The following CATSPER1 variants were observed in gnomAD, a reference collection of about 807,000 sequenced individuals.
The protein encoded by CATSPER1 is cation channel sperm-associated protein 1.
Under a neutral mutation model 72.7 loss-of-function variants are expected in CATSPER1, and 57 were observed. The ratio of observed to expected loss-of-function variants is 0.78; its 90% CI spans 0.63 to 0.98. The LOEUF is 0.98. Among genes scored for constraint, CATSPER1 ranks in the 50% least tolerant of loss-of-function variants. The pLI, the probability that CATSPER1 is intolerant of heterozygous loss-of-function variation, is 0.00. For synonymous variants in CATSPER1, 363 were observed against 403.0 expected, an observed-to-expected ratio of 0.90 and a Z score of 1.19; for missense variants, 910 against 1,033.9, an observed-to-expected ratio of 0.88 and a Z score of 1.64.
chr11:66,021,700 C>A, intron 3 of CATSPER1, 57 bp from the exon 4 acceptor site: 1 of 1,612,120 alleles, frequency 6.2e-7, no homozygotes, highest in African/African-American at 1.3e-5. Flanking sequence ...CCCCCTTCCC[C>A]ATCCTTCTCT....
rs942771770 is a variant in CATSPER1 at position 66,023,705 on chromosome 11, G to C, written c.1217-644C>G. On this transcript the variant is annotated intron_variant, in intron 1 of 11. Transcript: ENST00000312106. ...CCTGTGCCTTCTGTGGCAGGGGCCA[G>C]CCTGTTGGGGATTTGGAGTTGGCTT... is the stretch of plus-strand genomic sequence containing the variant. 9.9e-5 allele frequency among the ~76,000 whole-genome samples: 15 copies of C among 151,810 alleles called. 2 individuals are homozygous for C. The highest frequency in any genetic ancestry group is 8.5e-4 in the Admixed American group (13 of 15,296).
In CATSPER1 at chr11:66,022,943, T is replaced by C. The variant is rs776552271; in HGVS notation, c.1335A>G (p.Gln445=). ...AGATGAAAGTTTCAAAGGCCAAGGA[T>C]TGGGTCAGGTTCCGGATCATTTCCC... The part of the protein sequence containing the change: ...GFREMIRNLT[Q]SLAFETFIFF... The change falls in exon 2 of 12, where the codon CAA becomes CAG. Residue 445 remains glutamine, a synonymous_variant. Transcript: ENST00000312106. 5.0e-6 allele frequency: 8 copies of C among 1,614,134 alleles called. No homozygotes were observed. Among genetic ancestry groups the C allele is most frequent in the Non-Finnish European group, 6.8e-6 (8 of 1,180,022 alleles).
Position 66,025,399 on chromosome 11 carries a change from G to T in CATSPER1, c.981C>A (p.Ile327=). ...GAATCAGGCTCCGGGATGTGTGTGG[G>T]ATAGAGAGTTGGGAAGTGCTCTGGA... is the stretch of plus-strand genomic sequence containing the variant. ...DYVQSTSQLS[I]PHTSRSLIHD... is the part of the protein sequence containing the mutation. The change falls in exon 1 of 12, where the codon ATC becomes ATA. Residue 327 remains isoleucine (I), a synonymous_variant. Transcript: ENST00000312106. The T allele has an allele frequency of 6.2e-7, 1 of 1,613,996 alleles. No individual in the cohort carries two copies. Among genetic ancestry groups the T allele is most frequent in the East Asian group, 2.2e-5 (1 of 44,868 alleles).
chr11:66,017,193 G>GGGGGGGGGGGGGGGGGCGCC lies in CATSPER1; in HGVS notation c.2202-20_2202-19insGGCGCCCCCCCCCCCCCCCC. 1 of 493,814 alleles carries GGGGGGGGGGGGGGGGGCGCC rather than the reference G, an allele frequency of 2.0e-6. No homozygotes were observed. The highest frequency in any genetic ancestry group is 4.0e-6 in the Non-Finnish European group (1 of 252,620). 30.6% of individuals were successfully genotyped at this position (493,814 alleles called of 1,614,324 possible). A position where few individuals can be genotyped will look rare whatever the true frequency, so the allele number is the denominator to read the frequency against. Reference sequence around the variant, plus strand: ...CTGCTGCCTGCGGGTGGGCGGGGGGGTCGCAGAGACAGGGGCTGGGCTGAC... The same window carrying GGGGGGGGGGGGGGGGGCGCC: ...CTGCTGCCTGCGGGTGGGCGGGGGGGGGGGGGGGGGGGGGGGCGCCTCGCAGAGACAGGGGCTGGGCTGAC... On this transcript the variant is annotated intron_variant, in intron 10 of 11. Coordinates refer to ENST00000312106, the MANE Select transcript of CATSPER1 (RefSeq NM_053054.4).
Position 66,020,538 on chromosome 11 carries a change from G to C in CATSPER1, c.1991+26C>G. On this transcript the variant is annotated intron_variant, in intron 7 of 11. Coordinates refer to ENST00000312106, the MANE Select transcript of CATSPER1 (RefSeq NM_053054.4). This position sits in a 1 kb window ranked among gnomAD's most constrained non-coding sequence, Gnocchi z 4.5. The stretch of plus-strand genomic sequence containing the variant: ...GAGGAGGAAGTGTGGGTGGTGCTGG[G>C]CAGCAGAGCAGGGGTGAGTCCTCAC... The C allele has an allele frequency of 1.2e-6, 2 of 1,605,618 alleles. No homozygotes were observed. Among genetic ancestry groups the C allele is most frequent in the Non-Finnish European group, 1.7e-6 (2 of 1,173,478 alleles).
chr11:66,021,207 A>G, intron 4 of CATSPER1, 22 bp from the exon 5 acceptor site: 1 of 1,606,204 alleles, frequency 6.2e-7, no homozygotes, highest in Non-Finnish European at 8.5e-7. Context: ...AGGAGTGGGG[A>G]CTGAGTCATC....
chr11:66,020,979 C>T lies in CATSPER1; in HGVS notation c.1784-25G>A. ...ACTGGCTGTTCAGGGCCAAACTCAG[C>T]TCTCCAGTGCTATCCCCACCCCAGC... On this transcript the variant is annotated intron_variant, in intron 5 of 11. Coordinates refer to ENST00000312106, the MANE Select transcript of CATSPER1 (RefSeq NM_053054.4). This position sits in a 1 kb window ranked among gnomAD's most constrained non-coding sequence, Gnocchi z 4.5. 2 of 1,613,616 alleles carry T rather than the reference C, an allele frequency of 1.2e-6. No homozygotes were observed. The highest frequency in any genetic ancestry group is 1.7e-6 in the Non-Finnish European group (2 of 1,180,022).
chr11:66,023,158 C>G (rs1856413897), intron 1 of CATSPER1, 97 bp from the exon 2 acceptor site: 1 of 1,182,638 alleles, frequency 8.5e-7, no homozygotes. Context: ...GTCACTCCTG[C>G]CTGCTTGCTG....
chr11:66,025,253 T>G lies in CATSPER1; in HGVS notation c.1127A>C (p.Gln376Pro), dbSNP rs1002429167. 8.1e-6 allele frequency: 13 copies of G among 1,614,032 alleles called. No homozygotes were observed. The highest frequency in any genetic ancestry group is 2.7e-5 in the African/African-American group (2 of 74,904). The change falls in exon 1 of 12, where the codon CAG becomes CCG. Residue 376 changes from glutamine to proline, a missense_variant. Coordinates refer to ENST00000312106, the MANE Select transcript of CATSPER1 (RefSeq NM_053054.4). ...CTGGGTATGGACTTTTTTGGACATC[T>G]GGGTGACACGTGAGCGGATTGTGCT... is the stretch of plus-strand genomic sequence containing the variant. ...SSSTIRSRVT[Q>P]MSKKVHTQDI...
At position 66,023,025 on chromosome 11, in the gene CATSPER1, G is replaced by A. The variant is rs758500591; in HGVS notation, c.1253C>T (p.Ser418Phe). Residue 418 changes from serine (S) to phenylalanine (F), a missense_variant, in exon 2 of 12, where the codon TCT becomes TTT. Physicochemically the swap from Ser to Phe is radical, Grantham distance 155. Transcript: ENST00000312106. ...RLQRTRKKGH[S>F]TNLFQWLWEK... Reference sequence around the variant, plus strand: ...CCACAGCCACTGGAAGAGATTGGTAGAGTGTCCCTTCTTGCGGGTCCGCTG... The same window carrying A: ...CCACAGCCACTGGAAGAGATTGGTAAAGTGTCCCTTCTTGCGGGTCCGCTG... The A allele has an allele frequency of 3.1e-6, 5 of 1,614,202 alleles. No homozygotes were observed. The East Asian group carries it at 8.9e-5, about 29-fold the overall frequency.
chr11:66,021,884 A>G lies in CATSPER1; in HGVS notation c.1430-5T>C. 1.2e-6 allele frequency: 2 copies of G among 1,606,164 alleles called. No individual in the cohort carries two copies. The highest frequency in any genetic ancestry group is 1.7e-6 in the Non-Finnish European group (2 of 1,173,020). On this transcript the variant is annotated splice_polypyrimidine_tract_variant and splice_region_variant and intron_variant, in intron 2 of 11. Coordinates refer to ENST00000312106, the MANE Select transcript of CATSPER1 (RefSeq NM_053054.4). ...CCAAGGCCATGAAGTACCACTCTGC[A>G]GGAACACAGGGGTGCACTCAGAGCT...
Position 66,025,335 on chromosome 11 carries a change from A to T in CATSPER1, c.1045T>A (p.Phe349Ile), listed in dbSNP as rs754953178. 1 of 1,614,162 alleles carries T rather than the reference A, an allele frequency of 6.2e-7. No homozygotes were observed. Among genetic ancestry groups the T allele is most frequent in the South Asian group, 1.1e-5 (1 of 91,078 alleles). The stretch of plus-strand genomic sequence containing the variant: ...CGTGGGTGTGCTACGTGATAGGGGA[A>T]GACTCCTGTACGAGAAGCAGCAGGG... ...PGPAASRTGV[F>I]PYHVAHPRGS... The change falls in exon 1 of 12, where the codon TTC (phenylalanine) becomes ATC (isoleucine). Residue 349 changes from phenylalanine to isoleucine, a missense_variant. Transcript: ENST00000312106.
chr11:66,018,904 T>G lies in CATSPER1; in HGVS notation c.2126-2A>C. On this transcript the variant is annotated splice_acceptor_variant, in intron 9 of 11. Coordinates refer to ENST00000312106, the MANE Select transcript of CATSPER1 (RefSeq NM_053054.4). LOFTEE classifies it high-confidence loss of function. The stretch of plus-strand genomic sequence containing the variant: ...CTTCACTCGCCACCTCTTTGGGCTC[T>G]GGATGTAGAGAAAGAAGGGTGAGGT... 1 of 1,613,346 alleles carries G rather than the reference T, an allele frequency of 6.2e-7. No individual in the cohort carries two copies. The highest frequency in any genetic ancestry group is 8.5e-7 in the Non-Finnish European group (1 of 1,179,406).
intron 1 of CATSPER1, among the ~76,000 whole-genome samples, chr11:66,024,463 A>G (rs1417102734): frequency 6.6e-6 from 1 of 151,254 alleles, no homozygotes; most frequent in African/African-American, 2.4e-5. Flanking sequence ...TTTTTTTGGT[A>G]AAGACGGGAT....
chr11:66,019,918 C>CAAA (rs60681273), intron 9 of CATSPER1, among the ~76,000 whole-genome samples: 12 of 62,704 alleles, frequency 1.9e-4, no homozygotes, highest in African/African-American at 3.1e-4. Context: ...GACTCCATCT[C>CAAA]AAAAAAAAAA....
chr11:66,017,238 C>T, intron 10 of CATSPER1, 64 bp from the exon 11 acceptor site: 4 of 1,203,398 alleles, frequency 3.3e-6, no homozygotes, highest in Non-Finnish European at 4.8e-6. Context: ...GGGCCTACTG[C>T]ACCCCAGAAC....
intron 1 of CATSPER1, among the ~76,000 whole-genome samples, chr11:66,024,373 G>T (rs1232071036): frequency 6.8e-6 from 1 of 147,510 alleles, no homozygotes; most frequent in Non-Finnish European, 1.5e-5. Flanking sequence ...TGCCTCCTGG[G>T]TTCAAGCGAT....
Position 66,022,865 on chromosome 11 carries a change from T to A in CATSPER1, c.1413A>T (p.Glu471Asp). 5.0e-6 allele frequency: 8 copies of A among 1,614,190 alleles called. No individual in the cohort carries two copies. Among genetic ancestry groups the A allele is most frequent in the Non-Finnish European group, 6.8e-6 (8 of 1,180,038 alleles). The change falls in exon 2 of 12, where the codon GAA becomes GAT. Residue 471 changes from glutamate to aspartate, a missense_variant. Physicochemically the swap from Glu to Asp is conservative, Grantham distance 45. Coordinates refer to ENST00000312106, the MANE Select transcript of CATSPER1 (RefSeq NM_053054.4). ...TVMLVAQTFA[E>D]VEIRGEWYFM... ...GGCTCTTACCGCCCCGGATCTCGAC[T>A]TCAGCGAAGGTCTGGGCCACCAGCA...
chr11:66,021,694 C>T (rs1856373720), intron 3 of CATSPER1, 51 bp from the exon 4 acceptor site: 1 of 1,611,450 alleles, frequency 6.2e-7, no homozygotes, highest in Non-Finnish European at 8.5e-7. Flanking sequence ...CCAGCGCCCC[C>T]TTCCCCATCC....
Sources: allele counts gnomAD v4.1 joint callset (sites outside exome capture counted in the v4.1 genomes callset), GRCh38; gene constraint gnomAD v4.1.1; non-coding constraint Gnocchi (gnomAD v3.1); transcripts MANE v1.5; gene names NCBI Gene and HGNC (gene_info 2026-07-23, HGNC 2026-07-21).